Variants in DLGAP1 observed in about 807,000 individuals in gnomAD.
DLGAP1 encodes the protein disks large-associated protein 1.
DLGAP1 carries 11 observed loss-of-function variants against 90.8 expected under a neutral mutation model. The ratio of observed to expected loss-of-function variants is 0.12; its 90% CI spans 0.08 to 0.20. The LOEUF (loss-of-function observed/expected upper bound fraction) is 0.20, where lower values mean the gene tolerates loss of function less well. Ranked by LOEUF, DLGAP1 falls within the 10% of genes least tolerant of loss-of-function variation. The pLI is 1.00. For missense variants in DLGAP1, 1,050 were observed against 1,333.8 expected (o/e 0.79, Z 3.31); for synonymous variants, 558 against 540.7 (o/e 1.03, Z -0.44).
At chr18:4,131,020 T>C (rs930605345) in intron 2 of DLGAP1, among the ~76,000 whole-genome samples, 1 of 152,144 alleles carries the variant, frequency 6.6e-6, no homozygotes, top group African/African-American at 2.4e-5. Context: ...TAAACACATG[T>C]AATATTGATA....
chr18:4,444,843 C>G (rs2083621602), intron 1 of DLGAP1, among the ~76,000 whole-genome samples: 2 of 152,140 alleles, frequency 1.3e-5, no homozygotes, highest in African/African-American at 4.8e-5. Flanking sequence ...CTCATTTAAG[C>G]CTTTCAAAAA....
intron 2 of DLGAP1, among the ~76,000 whole-genome samples, chr18:4,064,035 C>T (rs2075337415): frequency 6.6e-6 from 1 of 152,060 alleles, no homozygotes; most frequent in Non-Finnish European, 1.5e-5. Context: ...GGCATGTCCT[C>T]CTGGATCTAA....
At chr18:4,357,854 G>A (rs773999896) in intron 1 of DLGAP1, among the ~76,000 whole-genome samples, 2 of 152,232 alleles carry the variant, frequency 1.3e-5, no homozygotes, top group African/African-American at 2.4e-5. Flanking sequence ...CTATGGCAGT[G>A]AGAAATGCAG....
chr18:4,311,566 G>T (rs1327683562), intron 1 of DLGAP1, among the ~76,000 whole-genome samples: 1 of 152,122 alleles, frequency 6.6e-6, no homozygotes, highest in Non-Finnish European at 1.5e-5. Context: ...TTCTTCTTGA[G>T]ATTTTTATAT....
chr18:4,302,173 T>C (rs1179724824), intron 1 of DLGAP1, among the ~76,000 whole-genome samples: 1 of 152,204 alleles, frequency 6.6e-6, no homozygotes, highest in Non-Finnish European at 1.5e-5. Context: ...TTTTTTGCTT[T>C]TGTTGCCTGC....
intron 5 of DLGAP1, among the ~76,000 whole-genome samples, chr18:3,758,748 A>C (rs1219359955): frequency 6.6e-6 from 1 of 152,152 alleles, no homozygotes; most frequent in African/African-American, 2.4e-5. Context: ...CATATGACTC[A>C]TGCATATGAC....
At chr18:3,527,410 CTTTTTTTT>C (rs3075071) in intron 10 of DLGAP1, among the ~76,000 whole-genome samples, 8 of 100,696 alleles carry the variant, frequency 7.9e-5, no homozygotes, top group East Asian at 3.1e-4. Context: ...ATTTTCCAAA[CTTTTTTTT>C]TTTTTTTTTT....
chr18:4,109,756 C>A (rs778250386), intron 2 of DLGAP1, among the ~76,000 whole-genome samples: 4 of 152,128 alleles, frequency 2.6e-5, no homozygotes, highest in Admixed American at 6.5e-5. Flanking sequence ...CACCATTAAT[C>A]CTAACTCAAA....
At chr18:3,639,590 C>T (rs2058851142) in intron 7 of DLGAP1, among the ~76,000 whole-genome samples, 1 of 151,892 alleles carries the variant, frequency 6.6e-6, no homozygotes, top group African/African-American at 2.4e-5. Context: ...AGCCCATTGG[C>T]TTAAAATCTG....
intron 1 of DLGAP1, among the ~76,000 whole-genome samples, chr18:4,212,747 T>C (rs965131245): frequency 6.6e-6 from 1 of 152,046 alleles, no homozygotes; most frequent in African/African-American, 2.4e-5. Flanking sequence ...TTCTGGTTAA[T>C]TGGGAATCAA....
intron 3 of DLGAP1, among the ~76,000 whole-genome samples, chr18:3,951,066 T>C (rs751971104): frequency 7.0e-4 from 107 of 152,190 alleles, no homozygotes; most frequent in African/African-American, 2.5e-3. Context: ...AAAAAGTCAA[T>C]GTTTTGGGGT....
chr18:4,204,039 T>C (rs1207076289), intron 1 of DLGAP1, among the ~76,000 whole-genome samples: 1 of 152,236 alleles, frequency 6.6e-6, no homozygotes, highest in Non-Finnish European at 1.5e-5. Flanking sequence ...ACATGGTCCA[T>C]AATTTTAAAT....
In DLGAP1 at chr18:3,968,285, C is replaced by T. The variant is rs193088485; in HGVS notation, c.-73+36831G>A. ...GATACTCTTTCATCTTAAAAGGCAACGCTAGATCTTACCCCAATTTCACAT... is the reference window on the plus strand; with the variant it reads ...GATACTCTTTCATCTTAAAAGGCAATGCTAGATCTTACCCCAATTTCACAT... On this transcript the variant is annotated intron_variant, in intron 3 of 12. Coordinates refer to ENST00000315677, the MANE Select transcript of DLGAP1 (RefSeq NM_004746.4). Among the ~76,000 whole-genome samples, 251 of 152,252 alleles carry T rather than the reference C, an allele frequency of 1.6e-3. 3 individuals carry two copies. In the South Asian group the frequency reaches 0.026, roughly 16 times the overall value.
At chr18:3,957,775 G>A (rs942497408) in intron 3 of DLGAP1, among the ~76,000 whole-genome samples, 1 of 152,026 alleles carries the variant, frequency 6.6e-6, no homozygotes, top group African/African-American at 2.4e-5. Flanking sequence ...TTCTATCTTA[G>A]TCATTCATCT....
intron 1 of DLGAP1, among the ~76,000 whole-genome samples, chr18:4,220,250 A>T (rs1351158352): frequency 6.7e-6 from 1 of 149,480 alleles, no homozygotes; most frequent in African/African-American, 2.4e-5. Flanking sequence ...ATTTCTTTAC[A>T]TCTGTGAACA....
intron 2 of DLGAP1, among the ~76,000 whole-genome samples, chr18:4,145,248 T>C (rs1436690723): frequency 6.6e-6 from 1 of 152,208 alleles, no homozygotes; most frequent in East Asian, 1.9e-4. Flanking sequence ...AAACACAGTA[T>C]TCTACAATCA....
At chr18:4,031,930 G>T (rs986132117) in intron 2 of DLGAP1, among the ~76,000 whole-genome samples, 2 of 152,128 alleles carry the variant, frequency 1.3e-5, no homozygotes, top group African/African-American at 4.8e-5. Context: ...GGTGGCTATG[G>T]TCATATGACA....
intron 3 of DLGAP1, among the ~76,000 whole-genome samples, chr18:3,947,395 C>T (rs2072898169): frequency 6.6e-6 from 1 of 152,142 alleles, no homozygotes; most frequent in Admixed American, 6.5e-5. Flanking sequence ...TAGATGTCTA[C>T]CTCTCCCTGT....
chr18:4,161,771 T>C (rs958286912), intron 1 of DLGAP1, among the ~76,000 whole-genome samples: 1 of 152,186 alleles, frequency 6.6e-6, no homozygotes, highest in Non-Finnish European at 1.5e-5. Context: ...ACTTGGAAAA[T>C]GCATGCTGCT....
Sources: gnomAD v4.1 joint callset for allele counts (sites outside exome capture counted in the v4.1 genomes callset) on GRCh38, gnomAD v4.1.1 for gene constraint, MANE v1.5 for transcripts, NCBI Gene and HGNC (gene_info 2026-07-23, HGNC 2026-07-21) for gene names.